LRRC20: variants seen among roughly 807,000 people sequenced by gnomAD.
LRRC20 encodes leucine-rich repeat-containing protein 20.
In LRRC20, 11 loss-of-function variants were observed where a neutral mutation model predicts 14.4. That is an observed-to-expected ratio of 0.77 (90% confidence interval 0.48 to 1.27). The LOEUF (loss-of-function observed/expected upper bound fraction) is 1.27. Among genes scored for constraint, LRRC20 ranks in the 50% most tolerant of loss-of-function variants. LRRC20 has a pLI of 0.00. For synonymous variants in LRRC20, 121 were observed against 107.3 expected, an observed-to-expected ratio of 1.13 and a Z score of -0.79; for missense variants, 219 against 251.2, an observed-to-expected ratio of 0.87 and a Z score of 0.87.
intron 4 of LRRC20, among the ~76,000 whole-genome samples, chr10:70,305,323 C>T (rs776367217): frequency 4.5e-4 from 69 of 152,256 alleles, no homozygotes; most frequent in African/African-American, 1.3e-3. Context: ...AACATGAGTG[C>T]GCCAATATCT....
intron 3 of LRRC20, among the ~76,000 whole-genome samples, chr10:70,329,953 C>T (rs752945794): frequency 3.9e-4 from 59 of 152,230 alleles, no homozygotes; most frequent in Non-Finnish European, 7.3e-4. Flanking sequence ...ATCCCACTTA[C>T]ACATGTCATA....
At chr10:70,373,356 T>C (rs1001093837) in intron 2 of LRRC20, among the ~76,000 whole-genome samples, 2 of 152,208 alleles carry the variant, frequency 1.3e-5, no homozygotes, top group Non-Finnish European at 2.9e-5. Context: ...GGAGCCTGTG[T>C]GTCACTGTTC....
chr10:70,334,198 TC>T (rs1842637649), intron 3 of LRRC20, among the ~76,000 whole-genome samples: 1 of 151,488 alleles, frequency 6.6e-6, no homozygotes, highest in Non-Finnish European at 1.5e-5. Context: ...ATCTGCCTGA[TC>T]CCATGCTACA....
chr10:70,315,311 AG>A (rs2136913966), intron 4 of LRRC20, among the ~76,000 whole-genome samples: 1 of 152,348 alleles, frequency 6.6e-6, no homozygotes, highest in East Asian at 1.9e-4. Flanking sequence ...TGGTGAATGA[AG>A]GAACATTTCC....
intron 2 of LRRC20, 41 bp from the exon 3 acceptor site, chr10:70,340,743 C>T: frequency 6.2e-7 from 1 of 1,609,096 alleles, no homozygotes; most frequent in Non-Finnish European, 8.5e-7. Flanking sequence ...TTATCAGCCA[C>T]AGCTGCCCGA....
intron 2 of LRRC20, among the ~76,000 whole-genome samples, chr10:70,366,953 G>A (rs914055010): frequency 5.3e-5 from 8 of 152,046 alleles, no homozygotes; most frequent in African/African-American, 9.7e-5. Flanking sequence ...TGGGGCTCCC[G>A]GAACCAATCC....
chr10:70,373,604 G>A (rs1252017898), intron 2 of LRRC20, among the ~76,000 whole-genome samples: 5 of 152,220 alleles, frequency 3.3e-5, no homozygotes, highest in Non-Finnish European at 5.9e-5. Flanking sequence ...ATGCACAGAT[G>A]CAAAGGATCC....
intron 4 of LRRC20, among the ~76,000 whole-genome samples, chr10:70,318,219 C>T (rs1054739132): frequency 3.3e-5 from 5 of 152,236 alleles, no homozygotes; most frequent in African/African-American, 4.8e-5. Context: ...ATCAGAAAGC[C>T]GGGGGTCAGG....
At chr10:70,326,459 C>T (rs1202606057) in intron 3 of LRRC20, among the ~76,000 whole-genome samples, 1 of 152,162 alleles carries the variant, frequency 6.6e-6, no homozygotes, top group Non-Finnish European at 1.5e-5. Context: ...TTGTGTCACT[C>T]AGAAAATATG....
intron 3 of LRRC20, among the ~76,000 whole-genome samples, chr10:70,327,647 C>T (rs979390650): frequency 8.5e-5 from 13 of 152,140 alleles, no homozygotes; most frequent in South Asian, 4.2e-4. Flanking sequence ...CTACTACATT[C>T]GAGGCACTTG....
chr10:70,361,063 A>AG (rs1303017734), intron 2 of LRRC20, among the ~76,000 whole-genome samples: 256 of 151,346 alleles, frequency 1.7e-3, no homozygotes, highest in African/African-American at 3.5e-3. Flanking sequence ...AAAAAAAAAA[A>AG]AGAGAGAGAG....
In LRRC20 at chr10:70,357,494, A is replaced by G. The variant is rs144436889; in HGVS notation, c.83-16792T>C. Among the ~76,000 whole-genome samples, 26 of 152,344 alleles carry G rather than the reference A, an allele frequency of 1.7e-4. No individual in the cohort carries two copies. In the East Asian group the frequency reaches 3.9e-3, roughly 23 times the overall value. Reference sequence around the variant, plus strand: ...TGCTCAGTAAGTAAGAGATGCTGCTATGAGGATGCAAAAGTATTACTTTTA... The same window carrying G: ...TGCTCAGTAAGTAAGAGATGCTGCTGTGAGGATGCAAAAGTATTACTTTTA... On this transcript the variant is annotated intron_variant, in intron 2 of 4. Coordinates refer to ENST00000446961, the MANE Select transcript of LRRC20 (RefSeq NM_001278212.2).
intron 2 of LRRC20, among the ~76,000 whole-genome samples, chr10:70,350,229 C>T (rs1176551767): frequency 6.6e-6 from 1 of 152,132 alleles, no homozygotes; most frequent in East Asian, 1.9e-4. Flanking sequence ...GCTAGACTTT[C>T]CCTAGCAGCC....
At chr10:70,366,260 T>C (rs1462858129) in intron 2 of LRRC20, among the ~76,000 whole-genome samples, 4 of 149,592 alleles carry the variant, frequency 2.7e-5, no homozygotes, top group Admixed American at 1.3e-4. Flanking sequence ...CCGTCTCTAC[T>C]AAAAATATAA....
rs766880710 is a variant in LRRC20 at position 70,382,573 on chromosome 10, G to A, written c.-88C>T. On this transcript the variant is annotated 5_prime_UTR_variant, in exon 1 of 5. Coordinates refer to ENST00000446961, the MANE Select transcript of LRRC20 (RefSeq NM_001278212.2). ...CGGCGACAATGCCTCCTAGCGCCCT[G>A]CGCAGCGCAGTCACGCTCCCTCCGC... The A allele has an allele frequency of 6.6e-6, 1 of 151,904 alleles. No homozygotes were observed. Among genetic ancestry groups the A allele is most frequent in the Non-Finnish European group, 1.5e-5 (1 of 67,926 alleles). 9.4% of individuals were successfully genotyped at this position (151,904 alleles called of 1,614,324 possible).
chr10:70,301,062 G>GT lies in LRRC20; in HGVS notation c.*291dup. 8.4e-7 allele frequency: 1 copy of GT among 1,190,776 alleles called. No homozygotes were observed. Among genetic ancestry groups the GT allele is most frequent in the Non-Finnish European group, 1.0e-6 (1 of 960,272 alleles). The allele number at this position is 1,190,776 out of a possible 1,614,324, so 73.8% of individuals were successfully genotyped here. On this transcript the variant is annotated 3_prime_UTR_variant, in exon 5 of 5. Coordinates refer to ENST00000446961, the MANE Select transcript of LRRC20 (RefSeq NM_001278212.2). ...GAGCCCAAAGGAGGGAAAGGGTCCT[G>GT]TTTTTTTCAAGTGACAAGGCTCAGA...
intron 3 of LRRC20, among the ~76,000 whole-genome samples, chr10:70,332,614 A>C (rs1439109123): frequency 6.6e-6 from 1 of 152,236 alleles, no homozygotes; most frequent in Non-Finnish European, 1.5e-5. Context: ...ACTGCACTCC[A>C]GCCTGGGTGA....
rs1296591639 is a variant in LRRC20, at chr10:70,301,020, G to A, written c.*334C>T. 1.8e-6 allele frequency: 2 copies of A among 1,086,108 alleles called. No individual in the cohort carries two copies. Among genetic ancestry groups the A allele is most frequent in the African/African-American group, 3.3e-5 (2 of 60,618 alleles). The allele number at this position is 1,086,108 out of a possible 1,614,324, so 67.3% of individuals were successfully genotyped here. On this transcript the variant is annotated 3_prime_UTR_variant, in exon 5 of 5. Transcript: ENST00000446961. ...TGGAGGTAACTTGGAGGCACGTACTGCTTAAAAACCTCCAGGGAGCCCAAA... is the reference window on the plus strand; with the variant it reads ...TGGAGGTAACTTGGAGGCACGTACTACTTAAAAACCTCCAGGGAGCCCAAA...
chr10:70,321,395 T>C (rs1057311421), intron 4 of LRRC20, among the ~76,000 whole-genome samples: 2 of 152,294 alleles, frequency 1.3e-5, no homozygotes, highest in African/African-American at 4.8e-5. Flanking sequence ...ATGAAGGCTG[T>C]GACCTGGCTC....
Sources: gnomAD v4.1 joint callset for allele counts (sites outside exome capture counted in the v4.1 genomes callset) on GRCh38, gnomAD v4.1.1 for gene constraint, MANE v1.5 for transcripts, NCBI Gene and HGNC (gene_info 2026-07-23, HGNC 2026-07-21) for gene names.